Variants in PHACTR1 observed in about 807,000 individuals in gnomAD.
PHACTR1 encodes phosphatase and actin regulator 1, also known as RPEL repeat containing 1.
A neutral mutation model predicts 69.2 loss-of-function variants in PHACTR1; 16 were observed. The observed-to-expected ratio is 0.23, with a 90% confidence interval of 0.16 to 0.35. The LOEUF is 0.35. Ranked by LOEUF, PHACTR1 falls within the 10% of genes least tolerant of loss-of-function variation. PHACTR1 has a pLI of 1.00. For missense variants in PHACTR1, 510 were observed against 734.7 expected (o/e 0.69, Z 3.54); for synonymous variants, 312 against 284.5 (o/e 1.10, Z -0.97).
intron 4 of PHACTR1, among the ~76,000 whole-genome samples, chr6:12,984,671 T>A (rs1171925103): frequency 6.6e-6 from 1 of 152,274 alleles, no homozygotes; most frequent in Non-Finnish European, 1.5e-5. Context: ...GTTACACCTT[T>A]CATTTATAGG....
At chr6:12,746,250 A>C (rs1765769499) in intron 3 of PHACTR1, among the ~76,000 whole-genome samples, 1 of 152,244 alleles carries the variant, frequency 6.6e-6, no homozygotes, top group Non-Finnish European at 1.5e-5. Context: ...AAAAGAATTC[A>C]AGGCTGGACA....
At chr6:13,161,988 A>G (rs188061478) in intron 6 of PHACTR1, among the ~76,000 whole-genome samples, 8 of 152,340 alleles carry the variant, frequency 5.3e-5, no homozygotes, top group African/African-American at 1.4e-4. Flanking sequence ...CCATACCAGC[A>G]TACCACTTTT....
At chr6:12,749,957 ACGGGGTGGGGGAGGG>A (rs1213810674) in intron 4 of PHACTR1, among the ~76,000 whole-genome samples, 167 bp downstream of exon 4, 3 of 152,034 alleles carry the variant, frequency 2.0e-5, no homozygotes, top group Non-Finnish European at 4.4e-5. Context: ...TGTGCGAGCT[ACGGGGTGGGGGAGGG>A]CGGCGCGTGC....
chr6:12,993,792 C>T (rs4715046), intron 4 of PHACTR1, among the ~76,000 whole-genome samples: 5 of 152,060 alleles, frequency 3.3e-5, no homozygotes, highest in Admixed American at 2.0e-4. Flanking sequence ...GAGCTAAAAG[C>T]GAACATATTT....
intron 5 of PHACTR1, among the ~76,000 whole-genome samples, chr6:13,144,151 T>A (rs12525390): frequency 6.6e-5 from 10 of 152,146 alleles, no homozygotes; most frequent in Admixed American, 6.5e-4. Context: ...GAAATTAGAA[T>A]AAGAAAAGAT....
intron 4 of PHACTR1, among the ~76,000 whole-genome samples, chr6:12,834,528 C>G (rs1404566493): frequency 6.6e-6 from 1 of 152,048 alleles, no homozygotes; most frequent in African/African-American, 2.4e-5. Flanking sequence ...TTAAACTACA[C>G]AAAGGTATAT....
At chr6:13,044,756 G>C (rs2127719681) in intron 4 of PHACTR1, among the ~76,000 whole-genome samples, 1 of 152,278 alleles carries the variant, frequency 6.6e-6, no homozygotes, top group Non-Finnish European at 1.5e-5. Flanking sequence ...CCCTATACAC[G>C]ATGGTTAGCA....
chr6:12,717,398 T>C (rs1025428638), intron 1 of PHACTR1, 111 bp from the exon 2 acceptor site: 42 of 152,246 alleles, frequency 2.8e-4, no homozygotes, highest in African/African-American at 9.1e-4. Flanking sequence ...GGCACTTCTC[T>C]GCCTAAGAGA....
At chr6:12,994,945 T>A (rs1480163163) in intron 4 of PHACTR1, among the ~76,000 whole-genome samples, 1 of 152,174 alleles carries the variant, frequency 6.6e-6, no homozygotes, top group African/African-American at 2.4e-5. Context: ...CTGAGTTTGT[T>A]AATCATAGAC....
chr6:13,080,208 A>G (rs982138588), intron 5 of PHACTR1, among the ~76,000 whole-genome samples: 7 of 152,034 alleles, frequency 4.6e-5, no homozygotes, highest in Admixed American at 4.6e-4. Context: ...CACCCAGCAC[A>G]ACTATCCTGA....
At chr6:13,031,465 C>T (rs1415830207) in intron 4 of PHACTR1, among the ~76,000 whole-genome samples, 1 of 152,144 alleles carries the variant, frequency 6.6e-6, no homozygotes, top group East Asian at 1.9e-4. Context: ...TGTAAGTCTA[C>T]CACTAGTTTA....
Position 13,286,230 on chromosome 6 carries a change from T to C in PHACTR1, c.1727+8T>C, listed in dbSNP as rs375508877. 250 of 1,565,764 alleles carry C rather than the reference T, an allele frequency of 1.6e-4. 4 individuals are homozygous for C. In the South Asian group the frequency reaches 2.0e-3, roughly 12 times the overall value. On this transcript the variant is annotated splice_region_variant and intron_variant, in intron 14 of 14. Coordinates refer to ENST00000332995, the MANE Select transcript of PHACTR1 (RefSeq NM_030948.6). ...GAGTAGACACTTAACAAGGTTAGTA[T>C]TAAGGGTTTTTTTTTTCCTTTTTTT...
intron 4 of PHACTR1, among the ~76,000 whole-genome samples, chr6:12,767,909 T>C (rs887018952): frequency 5.3e-5 from 8 of 152,288 alleles, no homozygotes; most frequent in Middle Eastern, 3.4e-3. Flanking sequence ...CAAGCAGAAA[T>C]TTTTAGTGGT....
At chr6:12,958,084 T>TTAGA in intron 4 of PHACTR1, 11 of 919,290 alleles carry the variant, frequency 1.2e-5, no homozygotes, top group Non-Finnish European at 1.4e-5. Context: ...TGTTTATTTG[T>TTAGA]TAGATGGATT....
intron 13 of PHACTR1, among the ~76,000 whole-genome samples, chr6:13,284,284 G>A (rs1379749987): frequency 3.3e-5 from 5 of 151,842 alleles, no homozygotes; most frequent in South Asian, 2.1e-4. Flanking sequence ...TTGGGAGGCC[G>A]AGGCGGGTAG....
chr6:13,089,037 C>T (rs1044738058), intron 5 of PHACTR1, among the ~76,000 whole-genome samples: 2 of 152,212 alleles, frequency 1.3e-5, no homozygotes, highest in Non-Finnish European at 2.9e-5. Flanking sequence ...GCTGCTTCAT[C>T]TCCTCTGTCT....
intron 4 of PHACTR1, among the ~76,000 whole-genome samples, chr6:12,891,787 A>G (rs1784193122): frequency 6.7e-6 from 1 of 149,482 alleles, no homozygotes; most frequent in Non-Finnish European, 1.5e-5. Flanking sequence ...GGTTTTGTAC[A>G]TAGTAACAGT....
At chr6:12,846,575 G>A (rs891990988) in intron 4 of PHACTR1, among the ~76,000 whole-genome samples, 9 of 152,130 alleles carry the variant, frequency 5.9e-5, no homozygotes, top group Admixed American at 2.6e-4. Flanking sequence ...GATTTCTTAC[G>A]TGTAAGGTGT....
intron 4 of PHACTR1, among the ~76,000 whole-genome samples, chr6:12,771,472 G>A (rs1342947371): frequency 2.0e-5 from 3 of 152,110 alleles, no homozygotes; most frequent in South Asian, 2.1e-4. Context: ...ACATGGATTG[G>A]GAACTCAGGA....
Sources: allele counts gnomAD v4.1 joint callset (sites outside exome capture counted in the v4.1 genomes callset), GRCh38; gene constraint gnomAD v4.1.1; transcripts MANE v1.5; gene names NCBI Gene and HGNC (gene_info 2026-07-23, HGNC 2026-07-21).